The following PTPRD variants were observed in gnomAD, a reference collection of about 807,000 sequenced individuals.
The protein encoded by PTPRD is protein tyrosine phosphatase receptor type D, also known as receptor-type tyrosine-protein phosphatase delta.
In PTPRD, 34 loss-of-function variants were observed where a neutral mutation model predicts 214.5. The observed-to-expected ratio is 0.16, with a 90% CI of 0.12 to 0.21. The LOEUF (loss-of-function observed/expected upper bound fraction) is 0.21, where lower values mean the gene tolerates loss of function less well. PTPRD is among the 10% of genes least tolerant of loss of function. The pLI is 1.00. For synonymous variants in PTPRD, 1,128 were observed against 845.7 expected, an observed-to-expected ratio of 1.33 and a Z score of -5.79; for missense variants, 2,545 against 2,398.7, an observed-to-expected ratio of 1.06 and a Z score of -1.27.
At chr9:8,932,707 T>C (rs2098961407) in intron 11 of PTPRD, among the ~76,000 whole-genome samples, 1 of 152,074 alleles carries the variant, frequency 6.6e-6, no homozygotes, top group African/African-American at 2.4e-5. Context: ...TCAGTAAAGG[T>C]GGACCCCCCC....
intron 8 of PTPRD, among the ~76,000 whole-genome samples, chr9:9,404,780 C>T (rs559120574): frequency 6.6e-6 from 1 of 152,124 alleles, no homozygotes; most frequent in South Asian, 2.1e-4. Flanking sequence ...ACATAGGTAG[C>T]ACATTAGAGA....
At chr9:10,438,258 G>A (rs2098735535) in intron 2 of PTPRD, among the ~76,000 whole-genome samples, 1 of 151,388 alleles carries the variant, frequency 6.6e-6, no homozygotes, top group African/African-American at 2.4e-5. Flanking sequence ...TAATGATGGA[G>A]GTAACCTCAT....
intron 6 of PTPRD, among the ~76,000 whole-genome samples, chr9:9,760,564 A>C (rs1051626422): frequency 6.8e-6 from 1 of 147,662 alleles, no homozygotes; most frequent in African/African-American, 2.5e-5. Flanking sequence ...ACTTTGAGAG[A>C]TCTCTTCTTC....
intron 36 of PTPRD, among the ~76,000 whole-genome samples, chr9:8,398,788 G>A (rs1031275883): frequency 1.3e-5 from 2 of 152,160 alleles, no homozygotes; most frequent in Non-Finnish European, 2.9e-5. Context: ...CAGAAAGCAA[G>A]GCTGCTGGCA....
At chr9:8,788,845 T>C (rs1230677537) in intron 11 of PTPRD, among the ~76,000 whole-genome samples, 2 of 152,216 alleles carry the variant, frequency 1.3e-5, no homozygotes, top group Non-Finnish European at 2.9e-5. Flanking sequence ...AGTACAACTT[T>C]GGAAGTTCAT....
In PTPRD at chr9:9,563,228, A is replaced by C. The variant is rs772348320; in HGVS notation, c.-237+11504T>G. ...AGTTGTAAGGAGCAAGTCTATCCCG[A>C]TAAGTTTGAAATGTGAGAAGAATCC... On this transcript the variant is annotated intron_variant, in intron 8 of 45. Coordinates refer to ENST00000381196, the MANE Select transcript of PTPRD (RefSeq NM_002839.4). Among the ~76,000 whole-genome samples the C allele has an allele frequency of 1.9e-4, 29 of 152,112 alleles. 1 individual carries two copies. The highest frequency in any genetic ancestry group is 3.8e-4 in the Non-Finnish European group (26 of 67,980).
At chr9:8,833,702 A>C (rs11792358) in intron 11 of PTPRD, among the ~76,000 whole-genome samples, 71,481 of 114,858 alleles carry the variant, frequency 0.62, 18,659 homozygotes, top group East Asian at 0.73. Context: ...CTCTCTCTCT[A>C]TATATATATA....
rs1013175112 is a variant in PTPRD, at chr9:9,123,495, C to T, written c.-143+59809G>A. On this transcript the variant is annotated intron_variant, in intron 10 of 45. Coordinates refer to ENST00000381196, the MANE Select transcript of PTPRD (RefSeq NM_002839.4). Reference sequence around the variant, plus strand: ...TGTAGTCCAGATTAGAAAGAGAATACAGAACTCTGCTGCCTCAGCTACATA... The same window carrying T: ...TGTAGTCCAGATTAGAAAGAGAATATAGAACTCTGCTGCCTCAGCTACATA... Among the ~76,000 whole-genome samples the T allele has an allele frequency of 2.0e-5, 3 of 152,254 alleles. No individual in the cohort carries two copies. In the South Asian group the frequency reaches 6.2e-4, roughly 32 times the overall value.
At chr9:8,665,070 A>C (rs867301299) in intron 12 of PTPRD, among the ~76,000 whole-genome samples, 49 of 152,334 alleles carry the variant, frequency 3.2e-4, no homozygotes, top group African/African-American at 1.1e-3. Context: ...ATAAAAGTAA[A>C]GCAGCAAAAA....
At chr9:9,512,423 T>C (rs1020459730) in intron 8 of PTPRD, among the ~76,000 whole-genome samples, 1 of 151,882 alleles carries the variant, frequency 6.6e-6, no homozygotes, top group Non-Finnish European at 1.5e-5. Flanking sequence ...GTAGAAGGGT[T>C]ATCTTCACAT....
intron 36 of PTPRD, among the ~76,000 whole-genome samples, chr9:8,397,509 T>C (rs916724558): frequency 2.0e-5 from 3 of 152,150 alleles, no homozygotes; most frequent in Non-Finnish European, 4.4e-5. Context: ...TTACCAGATA[T>C]GCCCCTTGCC....
At chr9:9,376,591 A>G (rs1462981672) in intron 9 of PTPRD, among the ~76,000 whole-genome samples, 1 of 152,162 alleles carries the variant, frequency 6.6e-6, no homozygotes, top group Non-Finnish European at 1.5e-5. Flanking sequence ...ATAAAGTGAA[A>G]CATTTCCTAA....
intron 10 of PTPRD, among the ~76,000 whole-genome samples, chr9:9,167,850 C>A (rs1377153541): frequency 6.6e-6 from 1 of 152,114 alleles, no homozygotes; most frequent in Non-Finnish European, 1.5e-5. Context: ...ATTTTACAGC[C>A]ACTGCATGAA....
chr9:8,496,835 AT>A (rs1458299566), intron 26 of PTPRD, among the ~76,000 whole-genome samples: 1 of 152,038 alleles, frequency 6.6e-6, no homozygotes, highest in Non-Finnish European at 1.5e-5. Flanking sequence ...ACATTATGAG[AT>A]TTTTTTCTGT....
At chr9:8,646,717 T>C (rs1041286429) in intron 12 of PTPRD, among the ~76,000 whole-genome samples, 11 of 152,218 alleles carry the variant, frequency 7.2e-5, no homozygotes, top group African/African-American at 2.7e-4. Flanking sequence ...TATTTCATTA[T>C]AGTTATTTTA....
At chr9:9,097,858 T>C (rs1037689053) in intron 10 of PTPRD, among the ~76,000 whole-genome samples, 1 of 152,106 alleles carries the variant, frequency 6.6e-6, no homozygotes, top group Non-Finnish European at 1.5e-5. Context: ...GAGATGGTGT[T>C]TTCCTAAGGA....
At chr9:10,264,405 CCCACCT>C (rs1285269913) in intron 3 of PTPRD, among the ~76,000 whole-genome samples, 6 of 152,172 alleles carry the variant, frequency 3.9e-5, no homozygotes, top group Non-Finnish European at 8.8e-5. Context: ...ACCATGGGAA[CCCACCT>C]CTTGCATCAG....
chr9:8,543,190 T>C (rs75231800), intron 14 of PTPRD, among the ~76,000 whole-genome samples: 2,737 of 152,330 alleles, frequency 0.018, 43 homozygotes, highest in Middle Eastern at 0.048. Flanking sequence ...TTCTTACATA[T>C]TGAAAACAAC....
intron 14 of PTPRD, among the ~76,000 whole-genome samples, chr9:8,604,135 G>A (rs548701183): frequency 6.6e-6 from 1 of 152,148 alleles, no homozygotes. Flanking sequence ...TTGTTGTAAA[G>A]TAAGGAACTC....
Sources: gnomAD v4.1 joint callset for allele counts (sites outside exome capture counted in the v4.1 genomes callset) on GRCh38, gnomAD v4.1.1 for gene constraint, MANE v1.5 for transcripts, NCBI Gene and HGNC (gene_info 2026-07-23, HGNC 2026-07-21) for gene names.